The following RFPL1 variants were observed in gnomAD, a reference collection of about 807,000 sequenced individuals.
The protein encoded by RFPL1 is ret finger protein-like 1.
RFPL1 carries 6 observed loss-of-function variants against 9.6 expected under a neutral mutation model. The observed-to-expected ratio is 0.62, with a 90% CI of 0.34 to 1.23. RFPL1 has a LOEUF of 1.23. Among genes scored for constraint, RFPL1 ranks in the 50% most tolerant of loss-of-function variants. The pLI is 0.03. For missense variants in RFPL1, 352 were observed against 398.4 expected, an observed-to-expected ratio of 0.88 and a Z score of 0.99; for synonymous variants, 145 against 149.4, an observed-to-expected ratio of 0.97 and a Z score of 0.22.
At chr22:29,405,155 G>A in the RFPL1 span, among the ~76,000 whole-genome samples, 1 of 152,220 alleles carries the variant, frequency 6.6e-6, no homozygotes, top group African/African-American at 2.4e-5. Context: ...TGATTAAAAC[G>A]TTAAACAGTT....
At chr22:29,429,415 A>G in the RFPL1 span, among the ~76,000 whole-genome samples, 1 of 149,870 alleles carries the variant, frequency 6.7e-6, no homozygotes, top group Non-Finnish European at 1.5e-5. Context: ...GCTAACTAAG[A>G]AAAAAGAAGA....
chr22:29,389,576 C>T, the RFPL1 span, among the ~76,000 whole-genome samples: 9 of 149,254 alleles, frequency 6.0e-5, no homozygotes, highest in Admixed American at 6.0e-4. Flanking sequence ...GTCCCAGCTA[C>T]TCAGGAGGCT....
the RFPL1 span, among the ~76,000 whole-genome samples, chr22:29,425,948 T>C: frequency 1.3e-5 from 2 of 152,156 alleles, no homozygotes; most frequent in African/African-American, 4.8e-5. Flanking sequence ...GTATTTTTTG[T>C]CCATATTTTT....
chr22:29,390,757 G>A, the RFPL1 span, among the ~76,000 whole-genome samples: 4 of 150,454 alleles, frequency 2.7e-5, no homozygotes, highest in African/African-American at 9.7e-5. Context: ...CACCACGCCC[G>A]GCTAATTTTT....
At chr22:29,398,198 T>A in the RFPL1 span, among the ~76,000 whole-genome samples, 1 of 152,164 alleles carries the variant, frequency 6.6e-6, no homozygotes, top group African/African-American at 2.4e-5. Context: ...CATGAAGATC[T>A]CTGTTACTCC....
At chr22:29,418,489 TCGTCTTC>T in the RFPL1 span, among the ~76,000 whole-genome samples, 5 of 150,602 alleles carry the variant, frequency 3.3e-5, no homozygotes, top group Admixed American at 2.7e-4. Context: ...CCATTCTTCT[TCGTCTTC>T]TTTTTTTTTT....
At chr22:29,393,044 C>T in the RFPL1 span, among the ~76,000 whole-genome samples, 14 of 152,262 alleles carry the variant, frequency 9.2e-5, no homozygotes, top group Middle Eastern at 3.4e-3. Context: ...AACAAAGGGA[C>T]AATTATAACT....
chr22:29,415,608 A>G, the RFPL1 span, among the ~76,000 whole-genome samples: 2,138 of 152,380 alleles, frequency 0.014, 35 homozygotes, highest in Non-Finnish European at 0.017. Flanking sequence ...ATGTAGCAGG[A>G]TGAGCCACAG....
chr22:29,401,619 T>C, the RFPL1 span, among the ~76,000 whole-genome samples: 1 of 152,190 alleles, frequency 6.6e-6, no homozygotes, highest in Non-Finnish European at 1.5e-5. Flanking sequence ...TCACAAAACT[T>C]TTCCTTCCAC....
the RFPL1 span, among the ~76,000 whole-genome samples, chr22:29,408,145 C>T: frequency 6.6e-6 from 1 of 152,090 alleles, no homozygotes; most frequent in Admixed American, 6.5e-5. Flanking sequence ...TATGTAGATC[C>T]ACAGAAGTTA....
chr22:29,400,890 C>T, the RFPL1 span, among the ~76,000 whole-genome samples: 10 of 152,180 alleles, frequency 6.6e-5, no homozygotes, highest in Non-Finnish European at 1.2e-4. Context: ...ACCTACTGAC[C>T]AGGCCCTGTG....
the RFPL1 span, among the ~76,000 whole-genome samples, chr22:29,424,931 G>A: frequency 7.4e-5 from 11 of 148,514 alleles, no homozygotes; most frequent in African/African-American, 1.5e-4. Flanking sequence ...CAGGCCAGGC[G>A]CGGTGGCTCA....
chr22:29,403,451 CAAG>C, the RFPL1 span, among the ~76,000 whole-genome samples: 3 of 152,044 alleles, frequency 2.0e-5, no homozygotes, highest in Non-Finnish European at 4.4e-5. Context: ...GTTAATTCTC[CAAG>C]AAGAAGACTG....
the RFPL1 span, among the ~76,000 whole-genome samples, chr22:29,391,183 A>AT: frequency 4.0e-5 from 6 of 151,502 alleles, no homozygotes; most frequent in African/African-American, 7.3e-5. Context: ...AACAAATGGA[A>AT]TTTTTTTTTC....
At chr22:29,390,514 A>T in the RFPL1 span, among the ~76,000 whole-genome samples, 5 of 152,278 alleles carry the variant, frequency 3.3e-5, no homozygotes, top group Admixed American at 1.3e-4. Context: ...TCTGCAGTAT[A>T]ATAGCAAAAG....
the RFPL1 span, among the ~76,000 whole-genome samples, chr22:29,421,018 C>G: frequency 3.3e-5 from 5 of 152,092 alleles, no homozygotes; most frequent in Admixed American, 6.5e-5. Flanking sequence ...CACAACTCTG[C>G]ATTTCCCTCC....
chr22:29,429,979 A>T, the RFPL1 span, among the ~76,000 whole-genome samples: 1 of 152,130 alleles, frequency 6.6e-6, no homozygotes, highest in South Asian at 2.1e-4. Context: ...TCTATTTTGA[A>T]TGCCCACTTT....
chr22:29,392,291 G>T, the RFPL1 span, among the ~76,000 whole-genome samples: 1 of 150,322 alleles, frequency 6.7e-6, no homozygotes, highest in Non-Finnish European at 1.5e-5. Flanking sequence ...TGTTGACCAG[G>T]CTAGTCTTGA....
At chr22:29,438,426 A>G (rs1210221578), upstream of RFPL1, 1 of 264,800 alleles carries the variant, frequency 3.8e-6, no homozygotes, top group Non-Finnish European at 6.9e-6. Flanking sequence ...CAGATGATCC[A>G]CTCACGTCAG....
Sources: allele counts gnomAD v4.1 joint callset (sites outside exome capture counted in the v4.1 genomes callset), GRCh38; gene constraint gnomAD v4.1.1; transcripts MANE v1.5; gene names NCBI Gene and HGNC (gene_info 2026-07-23, HGNC 2026-07-21).